ACOX2: variants seen among roughly 807,000 people sequenced by gnomAD.
ACOX2 encodes the protein acyl-CoA oxidase 2, also known as peroxisomal acyl-coenzyme A oxidase 2.
ACOX2 carries 59 observed loss-of-function variants against 77.5 expected under a neutral mutation model. The observed-to-expected ratio is 0.76, with a 90% CI of 0.62 to 0.95. The LOEUF (loss-of-function observed/expected upper bound fraction) is 0.95, where lower values mean the gene tolerates loss of function less well. ACOX2 is among the 40% of genes least tolerant of loss of function. ACOX2 has a pLI of 0.00. For missense variants in ACOX2, 837 were observed against 880.4 expected (o/e 0.95, Z 0.62); for synonymous variants, 317 against 340.1 (o/e 0.93, Z 0.75).
rs2063344558 is a variant in ACOX2 at position 58,519,497 on chromosome 3, G to T, written c.1633-2074C>A. On this transcript the variant is annotated intron_variant, in intron 12 of 14. Transcript: ENST00000302819. The surrounding 1 kb of genome is among the most constrained non-coding windows in gnomAD (Gnocchi z 5.0). ...TTATGTGCAAAAGGCTGTACTTTCA[G>T]GAAGCTGCAGGCAATTTAATGAGGC... Among the ~76,000 whole-genome samples, 4 of 152,176 alleles carry T rather than the reference G, an allele frequency of 2.6e-5. No homozygotes were observed. The highest frequency in any genetic ancestry group is 2.6e-4 in the Admixed American group (4 of 15,284).
chr3:58,513,033 C>T (rs2063298754), intron 13 of ACOX2, among the ~76,000 whole-genome samples: 1 of 152,174 alleles, frequency 6.6e-6, no homozygotes, highest in East Asian at 1.9e-4. Context: ...GCCACAACAG[C>T]TTCTCCCTAC....
chr3:58,528,868 C>G lies in ACOX2; in HGVS notation c.1081G>C (p.Ala361Pro). 1.9e-6 allele frequency: 3 copies of G among 1,613,618 alleles called. No homozygotes were observed. Among genetic ancestry groups the G allele is most frequent in the Non-Finnish European group, 2.5e-6 (3 of 1,179,770 alleles). The change falls in exon 9 of 15, where the codon GCA becomes CCA. Residue 361 changes from alanine (A) to proline (P), a missense_variant. Physicochemically the swap from Ala to Pro is conservative, Grantham distance 27. Coordinates refer to ENST00000302819, the MANE Select transcript of ACOX2 (RefSeq NM_003500.4). The surrounding 1 kb of genome is among the most constrained non-coding windows in gnomAD (Gnocchi z 5.6). Reference protein sequence around the residue: ...LAISYAFHFLAVSLLEFFQHS... With the variant: ...LAISYAFHFLPVSLLEFFQHS... Reference sequence around the variant, plus strand: ...TGGAAGAACTCCAAGAGGCTGACTGCCAGGAAATGGAAGGCATAACTGATG... The same window carrying G: ...TGGAAGAACTCCAAGAGGCTGACTGGCAGGAAATGGAAGGCATAACTGATG...
intron 8 of ACOX2, 118 bp downstream of exon 8, chr3:58,530,348 T>TG (rs1245897695): frequency 2.3e-5 from 32 of 1,381,944 alleles, no homozygotes; most frequent in Middle Eastern, 2.6e-4. Context: ...GTGTATGTGG[T>TG]GGGGGGCATT....
At chr3:58,511,160 C>T (rs2063284179) in intron 13 of ACOX2, 3 of 405,960 alleles carry the variant, frequency 7.4e-6, no homozygotes, top group Non-Finnish European at 1.5e-5. Context: ...TCAGTCCCTC[C>T]TTGTCTACTA....
Position 58,524,467 on chromosome 3 carries a change from G to A in ACOX2, c.1485C>T (p.Cys495=), listed in dbSNP as rs200510630. 1.4e-4 allele frequency: 223 copies of A among 1,613,002 alleles called. 1 individual carries two copies. In the Admixed American group the frequency reaches 3.7e-3, roughly 27 times the overall value. The change falls in exon 11 of 15, where the codon TGC becomes TGT. Residue 495 remains cysteine, a synonymous_variant. Transcript: ENST00000302819. The surrounding 1 kb of genome is among the most constrained non-coding windows in gnomAD (Gnocchi z 5.5). The part of the protein sequence containing the change: ...CPAQRAADFL[C]PELYTTAWAH... Reference sequence around the variant, plus strand: ...CCCAGGCCGTGGTGTAGAGCTCCGGGCAGAGGAAGTCGGCTGCCCTCTGGG... The same window carrying A: ...CCCAGGCCGTGGTGTAGAGCTCCGGACAGAGGAAGTCGGCTGCCCTCTGGG...
chr3:58,534,692 C>T lies in ACOX2; in HGVS notation c.161-170G>A. 6.7e-7 allele frequency: 1 copy of T among 1,485,478 alleles called. No individual in the cohort carries two copies. The highest frequency in any genetic ancestry group is 9.1e-7 in the Non-Finnish European group (1 of 1,097,304). 92.0% of individuals were successfully genotyped at this position (1,485,478 alleles called of 1,614,324 possible). A position where few individuals can be genotyped will look rare whatever the true frequency, so the allele number is the denominator to read the frequency against. ...TGGGAAAGTGAATTGCCCAAGGTTA[C>T]AAAGCTATGCAGTGGCAGAATTTTA... On this transcript the variant is annotated intron_variant, in intron 2 of 14. Transcript: ENST00000302819. The surrounding 1 kb of genome is among the most constrained non-coding windows in gnomAD (Gnocchi z 4.8).
In ACOX2 at chr3:58,521,167, C is replaced by A. The variant is rs1042640368; in HGVS notation, c.1632+1329G>T. Among the ~76,000 whole-genome samples, 1 of 152,152 alleles carries A rather than the reference C, an allele frequency of 6.6e-6. No individual in the cohort carries two copies. On this transcript the variant is annotated intron_variant, in intron 12 of 14. Coordinates refer to ENST00000302819, the MANE Select transcript of ACOX2 (RefSeq NM_003500.4). The surrounding 1 kb of genome is among the most constrained non-coding windows in gnomAD (Gnocchi z 4.8). ...GGACAGTTAGCACAGCAGGGGGTGC[C>A]CCTGCTGTAGGCTGAGCAGAACTGA...
intron 13 of ACOX2, chr3:58,511,401 G>T: frequency 3.4e-6 from 1 of 290,204 alleles, no homozygotes; most frequent in South Asian, 3.9e-5. Flanking sequence ...GGACATTGAT[G>T]ATGGCACCTC....
chr3:58,518,923 A>G (rs1003875312), intron 12 of ACOX2, among the ~76,000 whole-genome samples: 6 of 151,336 alleles, frequency 4.0e-5, no homozygotes, highest in African/African-American at 1.5e-4. Flanking sequence ...TACAGGCGTG[A>G]GCCTCTGGAC....
rs148187288 is a variant in ACOX2, at chr3:58,509,610, G to GTTT, written c.1851-588_1851-586dup. Among the ~76,000 whole-genome samples, 88 of 113,242 alleles carry GTTT rather than the reference G, an allele frequency of 7.8e-4. 6 individuals are homozygous for GTTT. Among genetic ancestry groups the GTTT allele is most frequent in the Non-Finnish European group, 1.2e-3 (68 of 57,108 alleles). The allele number at this position is 113,242 out of a possible 152,430, so 74.3% of individuals were successfully genotyped here. On this transcript the variant is annotated intron_variant, in intron 13 of 14. Transcript: ENST00000302819. ...TTTTCCTCAGAAGCAATTTCAATCT[G>GTTT]TTTTTTTTTTTTTTTTTGATACAGA... is the stretch of plus-strand genomic sequence containing the variant.
intron 1 of ACOX2, among the ~76,000 whole-genome samples, chr3:58,536,843 A>G (rs554134006): frequency 1.0e-3 from 158 of 151,298 alleles, no homozygotes; most frequent in Admixed American, 4.5e-3. Flanking sequence ...TTCTCTTTTC[A>G]CTTATCCCCT....
Position 58,534,420 on chromosome 3 carries a change from C to A in ACOX2, c.263G>T (p.Arg88Leu), listed in dbSNP as rs367555146. The A allele has an allele frequency of 2.5e-6, 4 of 1,614,052 alleles. No homozygotes were observed. Among genetic ancestry groups the A allele is most frequent in the Middle Eastern group, 1.6e-4 (1 of 6,084 alleles). Residue 88 changes from arginine to leucine, a missense_variant, in exon 3 of 15, where the codon CGG becomes CTG. Arg to Leu is a moderately radical substitution (Grantham distance 102, BLOSUM62 -2). Coordinates refer to ENST00000302819, the MANE Select transcript of ACOX2 (RefSeq NM_003500.4). The surrounding 1 kb of genome is among the most constrained non-coding windows in gnomAD (Gnocchi z 4.8). Reference sequence around the variant, plus strand: ...CCAACCCAGGCGCCGAGCTATCAACCGGATGTGGAATGCCCTCCGCATGGC... The same window carrying A: ...CCAACCCAGGCGCCGAGCTATCAACAGGATGTGGAATGCCCTCCGCATGGC... Reference protein sequence around the residue: ...KAAMRRAFHIRLIARRLGWLE... With the variant: ...KAAMRRAFHILLIARRLGWLE...
rs138186508 is a variant in ACOX2, at chr3:58,535,101, G to T, written c.6C>A (p.Gly2=). ...CCAATGACACTCGGTGCACTGGGCT[G>T]CCCATCCTATCCTGGATCTGTCTGG... M[G]SPVHRVSLGD... is the part of the protein sequence containing the mutation. The change falls in exon 2 of 15, where the codon GGC becomes GGA. Residue 2 remains glycine, a synonymous_variant. Coordinates refer to ENST00000302819, the MANE Select transcript of ACOX2 (RefSeq NM_003500.4). This position sits in a 1 kb window ranked among gnomAD's most constrained non-coding sequence, Gnocchi z 4.8. 51 of 1,614,066 alleles carry T rather than the reference G, an allele frequency of 3.2e-5. No homozygotes were observed. The African/African-American group carries it at 6.7e-4, about 21-fold the overall frequency.
In ACOX2 at chr3:58,508,989, G is replaced by A; in HGVS notation, c.1887C>T (p.Phe629=). 1 of 1,614,168 alleles carries A rather than the reference G, an allele frequency of 6.2e-7. No homozygotes were observed. The highest frequency in any genetic ancestry group is 1.1e-5 in the South Asian group (1 of 91,090). ...GTGCTGAATTTAAACACTGATCGGT[G>A]AAGTCAAAAGCATCAGTTAACAGGA... is the stretch of plus-strand genomic sequence containing the variant. ...DAILLTDAFD[F]TDQCLNSALG... Residue 629 remains phenylalanine, a synonymous_variant, in exon 14 of 15, where the codon TTC becomes TTT. Coordinates refer to ENST00000302819, the MANE Select transcript of ACOX2 (RefSeq NM_003500.4).
chr3:58,507,565 T>C (rs1370031063), intron 14 of ACOX2, among the ~76,000 whole-genome samples: 1 of 152,096 alleles, frequency 6.6e-6, no homozygotes, highest in Non-Finnish European at 1.5e-5. Flanking sequence ...ACAGGTGTTA[T>C]AGCAGGGCGG....
rs188211361 is a variant in ACOX2 at position 58,525,780 on chromosome 3, T to C, written c.1346+686A>G. Among the ~76,000 whole-genome samples, 6 of 152,130 alleles carry C rather than the reference T, an allele frequency of 3.9e-5. No individual in the cohort carries two copies. In the East Asian group the frequency reaches 1.2e-3, roughly 29 times the overall value. The stretch of plus-strand genomic sequence containing the variant: ...GCTTGTGCCTGTAATCCCAGCACTT[T>C]GGGAGGCTAAGGCAGGTGGATCACC... On this transcript the variant is annotated intron_variant, in intron 10 of 14. Transcript: ENST00000302819. This position sits in a 1 kb window ranked among gnomAD's most constrained non-coding sequence, Gnocchi z 5.0.
Position 58,533,914 on chromosome 3 carries a change from A to G in ACOX2, c.475+80T>C, listed in dbSNP as rs1297500136. On this transcript the variant is annotated intron_variant, in intron 4 of 14. Transcript: ENST00000302819. The surrounding 1 kb of genome is among the most constrained non-coding windows in gnomAD (Gnocchi z 5.6). The stretch of plus-strand genomic sequence containing the variant: ...TATGTCCCTCGGAGCATATGAACCT[A>G]TGACTACCTAGATGTAAATGGGCCC... 5 of 1,539,726 alleles carry G rather than the reference A, an allele frequency of 3.2e-6. No individual in the cohort carries two copies. The African/African-American group carries it at 5.5e-5, about 17-fold the overall frequency.
chr3:58,534,830 A>G lies in ACOX2; in HGVS notation c.160+117T>C, dbSNP rs1251733597. The G allele has an allele frequency of 6.7e-7, 1 of 1,495,840 alleles. No individual in the cohort carries two copies. Among genetic ancestry groups the G allele is most frequent in the African/African-American group, 1.4e-5 (1 of 72,542 alleles). 92.7% of individuals were successfully genotyped at this position (1,495,840 alleles called of 1,614,324 possible). A position where few individuals can be genotyped will look rare whatever the true frequency, so the allele number is the denominator to read the frequency against. Reference sequence around the variant, plus strand: ...CAGTTCGAAGGAATGAATCTCTAACAGTGGAATTTCAAGGGCAAAGTTTGT... The same window carrying G: ...CAGTTCGAAGGAATGAATCTCTAACGGTGGAATTTCAAGGGCAAAGTTTGT... On this transcript the variant is annotated intron_variant, in intron 2 of 14. Coordinates refer to ENST00000302819, the MANE Select transcript of ACOX2 (RefSeq NM_003500.4). The surrounding 1 kb of genome is among the most constrained non-coding windows in gnomAD (Gnocchi z 4.8).
In ACOX2 at chr3:58,536,903, A is replaced by G. The variant is rs558053636; in HGVS notation, c.-92+216T>C. Reference sequence around the variant, plus strand: ...ATTTCATATGTTTTTGTTTACTTCCATCTCCCTGCTACTAACACAGAAACT... The same window carrying G: ...ATTTCATATGTTTTTGTTTACTTCCGTCTCCCTGCTACTAACACAGAAACT... On this transcript the variant is annotated intron_variant, in intron 1 of 14. Transcript: ENST00000302819. Among the ~76,000 whole-genome samples, 34 of 151,966 alleles carry G rather than the reference A, an allele frequency of 2.2e-4. No individual in the cohort carries two copies. The East Asian group carries it at 6.4e-3, about 29-fold the overall frequency.
Sources: gnomAD v4.1 joint callset for allele counts (sites outside exome capture counted in the v4.1 genomes callset) on GRCh38, gnomAD v4.1.1 for gene constraint, Gnocchi (gnomAD v3.1) non-coding constraint, MANE v1.5 for transcripts, NCBI Gene and HGNC (gene_info 2026-07-23, HGNC 2026-07-21) for gene names.